Variants in NTM observed in about 807,000 individuals in gnomAD.
NTM encodes the protein neurotrimin, also known as IgLON family member 2.
In NTM, 13 loss-of-function variants were observed where a neutral mutation model predicts 42.1. The observed-to-expected ratio is 0.31, with a 90% CI of 0.20 to 0.49. The LOEUF is 0.49. Ranked by LOEUF, NTM falls within the 20% of genes least tolerant of loss-of-function variation. The probability of loss-of-function intolerance (pLI) is 0.99; values close to 1 mark genes in which losing one functional copy is unlikely to be tolerated. For missense variants in NTM, 373 were observed against 452.8 expected (o/e 0.82, Z 1.60); for synonymous variants, 187 against 179.2 (o/e 1.04, Z -0.35).
chr11:131,931,958 C>T (rs890330508), intron 2 of NTM, among the ~76,000 whole-genome samples: 4 of 152,198 alleles, frequency 2.6e-5, no homozygotes, highest in African/African-American at 7.2e-5. Flanking sequence ...GTGGCCTTCA[C>T]GAGTCTTTCC....
intron 3 of NTM, among the ~76,000 whole-genome samples, chr11:132,208,728 C>T (rs2082366237): frequency 6.6e-6 from 1 of 152,142 alleles, no homozygotes; most frequent in South Asian, 2.1e-4. Flanking sequence ...TAATTCATTA[C>T]CCGGCCTGAT....
chr11:132,160,157 T>C (rs2073994494), intron 3 of NTM, among the ~76,000 whole-genome samples: 1 of 152,182 alleles, frequency 6.6e-6, no homozygotes, highest in Non-Finnish European at 1.5e-5. Context: ...TTTGCCCTCT[T>C]TGGACAGGGC....
intron 1 of NTM, among the ~76,000 whole-genome samples, chr11:131,564,715 A>G (rs568712450): frequency 2.0e-5 from 3 of 152,284 alleles, no homozygotes; most frequent in African/African-American, 7.2e-5. Context: ...TTCTTATGGC[A>G]AGAGCACGTA....
intron 7 of NTM, chr11:132,317,597 A>T: frequency 3.0e-6 from 3 of 997,866 alleles, no homozygotes; most frequent in South Asian, 2.7e-5. Flanking sequence ...ATAGCACTGT[A>T]TATAATATAT....
At chr11:132,006,322 G>T (rs79292370) in intron 2 of NTM, among the ~76,000 whole-genome samples, 8,212 of 152,198 alleles carry the variant, frequency 0.054, 309 homozygotes, top group Non-Finnish European at 0.078. Context: ...TTTGTTTGTG[G>T]TTTTTTTCCC....
At position 131,910,812 on chromosome 11, in the gene NTM, A is replaced by ACAGCCCCGCCG; in HGVS notation, c.83-748_83-747insCCCGCCGCAGC. The ACAGCCCCGCCG allele has an allele frequency of 3.1e-6, 3 of 983,318 alleles. No individual in the cohort carries two copies. The South Asian group carries it at 1.4e-4, about 46-fold the overall frequency. 60.9% of individuals were successfully genotyped at this position (983,318 alleles called of 1,614,324 possible). On this transcript the variant is annotated intron_variant, in intron 1 of 8. Transcript: ENST00000683400. ...CCCCTGCCCCGCCGAGCCCCGCCGG[A>ACAGCCCCGCCG]CAGCGGCGGCCGCAGCGCGCATTTG... is the stretch of plus-strand genomic sequence containing the variant.
intron 3 of NTM, among the ~76,000 whole-genome samples, chr11:132,169,642 A>G (rs2075850148): frequency 6.6e-6 from 1 of 151,622 alleles, no homozygotes; most frequent in Admixed American, 6.6e-5. Context: ...CCAATTTTTT[A>G]CTTCTTGAAT....
At chr11:131,792,068 T>C (rs1455531347) in intron 1 of NTM, among the ~76,000 whole-genome samples, 2 of 152,156 alleles carry the variant, frequency 1.3e-5, no homozygotes, top group Non-Finnish European at 2.9e-5. Flanking sequence ...ATAACCTCCT[T>C]ACCCTGATCT....
At chr11:132,192,361 G>A (rs1468313838) in intron 3 of NTM, among the ~76,000 whole-genome samples, 2 of 152,166 alleles carry the variant, frequency 1.3e-5, no homozygotes, top group Non-Finnish European at 2.9e-5. Flanking sequence ...AACCTATTCT[G>A]AGCATCCTAA....
chr11:131,972,897 C>T (rs909936663), intron 2 of NTM, among the ~76,000 whole-genome samples: 3 of 152,186 alleles, frequency 2.0e-5, no homozygotes, highest in African/African-American at 7.2e-5. Flanking sequence ...GAACGTGTCT[C>T]ATTCAGCGAT....
chr11:131,776,468 G>A (rs909323572), intron 1 of NTM, among the ~76,000 whole-genome samples: 1 of 152,114 alleles, frequency 6.6e-6, no homozygotes, highest in African/African-American at 2.4e-5. Context: ...CGTTAACAAG[G>A]GTGACAGTTT....
chr11:131,462,551 G>A (rs966667392), intron 1 of NTM, among the ~76,000 whole-genome samples: 44 of 152,248 alleles, frequency 2.9e-4, no homozygotes, highest in African/African-American at 9.4e-4. Context: ...GAGAAGAAAG[G>A]TTGAAGATTG....
intron 3 of NTM, among the ~76,000 whole-genome samples, chr11:132,211,319 G>T (rs763581471): frequency 1.2e-4 from 19 of 152,204 alleles, no homozygotes; most frequent in Non-Finnish European, 2.1e-4. Context: ...GGGATTGTTT[G>T]AGCATGGGAG....
chr11:132,170,955 A>G (rs1457133445), intron 3 of NTM, among the ~76,000 whole-genome samples: 1 of 152,130 alleles, frequency 6.6e-6, no homozygotes, highest in African/African-American at 2.4e-5. Context: ...AACTAAATAG[A>G]GCAAGTATCA....
chr11:131,476,805 G>T (rs948977507), intron 1 of NTM, among the ~76,000 whole-genome samples: 3 of 119,242 alleles, frequency 2.5e-5, no homozygotes, highest in Admixed American at 1.3e-4. Flanking sequence ...AGGCGGAAAA[G>T]CTCTCTAATC....
intron 4 of NTM, among the ~76,000 whole-genome samples, chr11:132,268,279 G>A (rs987944130): frequency 6.6e-6 from 1 of 152,104 alleles, no homozygotes; most frequent in Non-Finnish European, 1.5e-5. Context: ...AAGTCATGAT[G>A]CCTCAGCCTC....
At chr11:131,785,893 C>T (rs2089095532) in intron 1 of NTM, among the ~76,000 whole-genome samples, 1 of 152,212 alleles carries the variant, frequency 6.6e-6, no homozygotes, top group Non-Finnish European at 1.5e-5. Context: ...TGCCGGGGCT[C>T]AGACGGTTTA....
At chr11:131,845,679 C>T (rs1327267732) in intron 1 of NTM, among the ~76,000 whole-genome samples, 1 of 150,888 alleles carries the variant, frequency 6.6e-6, no homozygotes, top group Non-Finnish European at 1.5e-5. Context: ...AGATAAAATT[C>T]CTGTCATTAA....
chr11:131,996,498 TC>T (rs1384327719), intron 2 of NTM, among the ~76,000 whole-genome samples: 3 of 152,140 alleles, frequency 2.0e-5, no homozygotes, highest in Non-Finnish European at 2.9e-5. Context: ...GCTGGAAAAC[TC>T]CCGTCCATTC....
Sources: allele counts gnomAD v4.1 joint callset (sites outside exome capture counted in the v4.1 genomes callset), GRCh38; gene constraint gnomAD v4.1.1; transcripts MANE v1.5; gene names NCBI Gene and HGNC (gene_info 2026-07-23, HGNC 2026-07-21).